ZNF91: variants seen among roughly 807,000 people sequenced by gnomAD.
ZNF91 encodes zinc finger protein 91 (HPF7, HTF10).
In ZNF91, 7 loss-of-function variants were observed where a neutral mutation model predicts 12.6. The ratio of observed to expected loss-of-function variants is 0.55; its 90% CI spans 0.31 to 1.04. The LOEUF is 1.04. ZNF91 is among the 50% of genes least tolerant of loss of function. ZNF91 has a pLI of 0.05. For synonymous variants in ZNF91, 453 were observed against 462.6 expected, an observed-to-expected ratio of 0.98 and a Z score of 0.27; for missense variants, 1,217 against 1,385.4, an observed-to-expected ratio of 0.88 and a Z score of 1.93.
At chr19:23,392,396 C>CAAAA (rs71163502) in intron 1 of ZNF91, among the ~76,000 whole-genome samples, 2 of 70,394 alleles carry the variant, frequency 2.8e-5, no homozygotes, top group Non-Finnish European at 5.7e-5. Flanking sequence ...AACTCCATCT[C>CAAAA]AAAAAAAAAA....
chr19:23,386,216 TAA>T (rs1969868347), intron 1 of ZNF91, among the ~76,000 whole-genome samples: 1 of 152,050 alleles, frequency 6.6e-6, no homozygotes, highest in South Asian at 2.1e-4. Context: ...ATCAATATCC[TAA>T]AAGTGATCAT....
chr19:23,306,332 G>A (rs1158388288), intron 3 of ZNF91, among the ~76,000 whole-genome samples: 1 of 152,210 alleles, frequency 6.6e-6, no homozygotes, highest in Non-Finnish European at 1.5e-5. Flanking sequence ...CACCTTCACA[G>A]AACCTTCATG....
chr19:23,346,451 AG>A (rs1968233857), intron 3 of ZNF91, among the ~76,000 whole-genome samples: 1 of 152,132 alleles, frequency 6.6e-6, no homozygotes, highest in African/African-American at 2.4e-5. Flanking sequence ...GGACTCAAAA[AG>A]GGTGCCCATA....
At chr19:23,334,051 T>C (rs112218891), downstream of ZNF91, among the ~76,000 whole-genome samples, 116 of 152,274 alleles carry the variant, frequency 7.6e-4, no homozygotes, top group African/African-American at 2.7e-3. Flanking sequence ...AAGTGAAAAG[T>C]TGCAGTGCAA....
At chr19:23,390,942 A>T (rs972972781) in intron 1 of ZNF91, among the ~76,000 whole-genome samples, 2 of 152,188 alleles carry the variant, frequency 1.3e-5, no homozygotes, top group Non-Finnish European at 1.5e-5. Flanking sequence ...TGTCTTTGCT[A>T]TTGTGAATAG....
chr19:23,341,427 G>A (rs959263458), intron 3 of ZNF91, among the ~76,000 whole-genome samples: 7 of 152,208 alleles, frequency 4.6e-5, no homozygotes, highest in South Asian at 4.1e-4. Context: ...AAAATGATAC[G>A]TATACTTGCA....
chr19:23,326,777 A>C (rs374591065), intron 1 of ZNF91: 1 of 152,242 alleles, frequency 6.6e-6, no homozygotes, highest in Admixed American at 6.5e-5. Flanking sequence ...GTCATGCAGT[A>C]GTTTGCTGCA....
At chr19:23,378,899 C>G (rs1969601917) in intron 1 of ZNF91, among the ~76,000 whole-genome samples, 1 of 152,132 alleles carries the variant, frequency 6.6e-6, no homozygotes, top group African/African-American at 2.4e-5. Flanking sequence ...GTTTGAGTCT[C>G]CAGACCTCCT....
In ZNF91 at chr19:23,362,619, T is replaced by C. The variant is rs1158296121; in HGVS notation, c.360A>G (p.Leu120=). 6.3e-7 allele frequency: 1 copy of C among 1,589,296 alleles called. No homozygotes were observed. Among genetic ancestry groups the C allele is most frequent in the East Asian group, 2.2e-5 (1 of 44,764 alleles). The part of the protein sequence containing the change: ...RKYEKCGHEN[L]QLRKGCKSVD... ...CACTTTTACAACCTTTTCTTAACTG[T>C]AAATTCTCATGTCCACATTTTTCAT... Residue 120 remains leucine (L), a synonymous_variant, in exon 4 of 4, where the codon TTA becomes TTG. Transcript: ENST00000300619.
chr19:23,363,502 A>G (rs932231508), intron 3 of ZNF91, among the ~76,000 whole-genome samples: 4 of 152,234 alleles, frequency 2.6e-5, no homozygotes, highest in African/African-American at 9.6e-5. Context: ...ATTTCAGACA[A>G]CACATATCCT....
chr19:23,360,995 C>T lies in ZNF91; in HGVS notation c.1984G>A (p.Glu662Lys). The T allele has an allele frequency of 6.2e-7, 1 of 1,609,678 alleles. No homozygotes were observed. The highest frequency in any genetic ancestry group is 8.5e-7 in the Non-Finnish European group (1 of 1,176,838). ...GAATTGCTAAAAGCTTTGCCACATTCTTTACATTTGTAGGGTTTCTCTCCA... is the reference window on the plus strand; with the variant it reads ...GAATTGCTAAAAGCTTTGCCACATTTTTTACATTTGTAGGGTTTCTCTCCA... Reference protein sequence around the residue: ...HTGEKPYKCKECGKAFSNSST... With the variant: ...HTGEKPYKCKKCGKAFSNSST... The change falls in exon 4 of 4, where the codon GAA becomes AAA. Residue 662 changes from glutamate (E) to lysine (K), a missense_variant. Glu to Lys is a moderately conservative substitution (Grantham distance 56, BLOSUM62 1). Transcript: ENST00000300619.
intron 1 of ZNF91, among the ~76,000 whole-genome samples, chr19:23,389,666 CTCTCAT>C (rs1969996099): frequency 6.6e-6 from 1 of 152,126 alleles, no homozygotes; most frequent in Non-Finnish European, 1.5e-5. Context: ...AGTGCACAGC[CTCTCAT>C]TCCTGGACAC....
chr19:23,363,519 A>G lies in ZNF91; in HGVS notation c.254-794T>C, dbSNP rs1027290853. 5.9e-5 allele frequency among the ~76,000 whole-genome samples: 9 copies of G among 152,220 alleles called. No homozygotes were observed. In the East Asian group the frequency reaches 1.3e-3, roughly 23 times the overall value. On this transcript the variant is annotated intron_variant, in intron 3 of 3. Transcript: ENST00000300619. ...TTCAGACAACACATATCCTAAGAAC[A>G]TATTTGAGAAATTCCCATAATCATT...
intron 1 of ZNF91, among the ~76,000 whole-genome samples, chr19:23,322,224 C>T (rs1967711701): frequency 6.6e-6 from 1 of 152,184 alleles, no homozygotes; most frequent in Admixed American, 6.5e-5. Context: ...ATCTCTGGGG[C>T]TCTCAAACCT....
chr19:23,306,500 G>A (rs200225935), intron 3 of ZNF91, among the ~76,000 whole-genome samples: 2 of 136,766 alleles, frequency 1.5e-5, no homozygotes. Context: ...TGAATCTTCT[G>A]CTTTGTCGCT....
rs189633078 is a variant in ZNF91 at position 23,316,098 on chromosome 19, T to C, written n.117-7001A>G. 2.0e-5 allele frequency among the ~76,000 whole-genome samples: 3 copies of C among 152,272 alleles called. No individual in the cohort carries two copies. In the East Asian group the frequency reaches 5.8e-4, roughly 29 times the overall value. ...ATCACCTAGGAGATGTGACACATTT[T>C]TGTTGCCTGGGACCTGCCAAATAAG... is the stretch of plus-strand genomic sequence containing the variant. On this transcript the variant is annotated intron_variant and non_coding_transcript_variant, in intron 1 of 1. Transcript: ENST00000596528.
At position 23,360,825 on chromosome 19, in the gene ZNF91, T is replaced by C. The variant is rs1218867468; in HGVS notation, c.2154A>G (p.Glu718=). Residue 718 remains glutamate (E), a synonymous_variant, in exon 4 of 4, where the codon GAA becomes GAG. Coordinates refer to ENST00000300619, the MANE Select transcript of ZNF91 (RefSeq NM_003430.4). ...HAGEKLYKCE[E]CGKAFNRSSN... ...AAGATCGATTAAAAGCTTTGCCACA[T>C]TCTTCACATTTGTAGAGTTTCTCTC... is the stretch of plus-strand genomic sequence containing the variant. The C allele has an allele frequency of 6.2e-7, 1 of 1,613,502 alleles. No individual in the cohort carries two copies. Among genetic ancestry groups the C allele is most frequent in the Non-Finnish European group, 8.5e-7 (1 of 1,179,758 alleles).
intron 3 of ZNF91, among the ~76,000 whole-genome samples, chr19:23,347,503 C>T (rs1316018946): frequency 1.3e-5 from 2 of 151,970 alleles, no homozygotes; most frequent in Non-Finnish European, 2.9e-5. Flanking sequence ...TGCCTGTCCT[C>T]GTTCTCTCCT....
intron 3 of ZNF91, among the ~76,000 whole-genome samples, chr19:23,343,547 G>A (rs1968164239): frequency 6.6e-6 from 1 of 152,238 alleles, no homozygotes; most frequent in African/African-American, 2.4e-5. Context: ...GTAAACATCT[G>A]GTTCAGCATG....
Sources: allele counts gnomAD v4.1 joint callset (sites outside exome capture counted in the v4.1 genomes callset), GRCh38; gene constraint gnomAD v4.1.1; transcripts MANE v1.5; gene names NCBI Gene and HGNC (gene_info 2026-07-23, HGNC 2026-07-21).